CLIC4: variants seen among roughly 807,000 people sequenced by gnomAD.
The protein encoded by CLIC4 is CLIC family member 4, also known as chloride intracellular channel protein 4.
In CLIC4, 13 loss-of-function variants were observed where a neutral mutation model predicts 24.6. That is an observed-to-expected ratio of 0.53 (90% CI 0.34 to 0.84). The LOEUF is 0.84. Among genes scored for constraint, CLIC4 ranks in the 40% least tolerant of loss-of-function variants. CLIC4 has a pLI of 0.01. For missense variants in CLIC4, 227 were observed against 301.7 expected, an observed-to-expected ratio of 0.75 and a Z score of 1.83; for synonymous variants, 104 against 111.3, an observed-to-expected ratio of 0.93 and a Z score of 0.41.
At chr1:24,746,593 A>G (rs1638701096) in intron 1 of CLIC4, among the ~76,000 whole-genome samples, 1 of 152,220 alleles carries the variant, frequency 6.6e-6, no homozygotes, top group Non-Finnish European at 1.5e-5. Flanking sequence ...AGCCACTTAA[A>G]AAGCCAGGCT....
chr1:24,766,473 GTTTTTTTTTTTTTTTTTTTTTTTTT>G lies in CLIC4; in HGVS notation c.72+20872_72+20896del, dbSNP rs71032855. ...CAGGTCTTGCTATGTTGCCCAGACG[GTTTTTTTTTTTTTTTTTTTTTTTTT>G]TTTTTTTTTTTTTTTTTTTTTTTGA... On this transcript the variant is annotated intron_variant, in intron 1 of 5. Transcript: ENST00000374379. 6.4e-4 allele frequency among the ~76,000 whole-genome samples: 40 copies of G among 62,072 alleles called. No individual in the cohort carries two copies. In the East Asian group the frequency reaches 6.8e-3, roughly 10 times the overall value. 40.7% of individuals were successfully genotyped at this position (62,072 alleles called of 152,430 possible). A position where few individuals can be genotyped will look rare whatever the true frequency, so the allele number is the denominator to read the frequency against.
rs535415704 is a variant in CLIC4, at chr1:24,774,165, G to A, written c.73-23577G>A. 1.1e-4 allele frequency among the ~76,000 whole-genome samples: 17 copies of A among 152,076 alleles called. No homozygotes were observed. In the East Asian group the frequency reaches 2.5e-3, roughly 23 times the overall value. On this transcript the variant is annotated intron_variant, in intron 1 of 5. Transcript: ENST00000374379. ...TTTCTTTTGTATTTTTAGTAGAGAC[G>A]GGGTTTCACCGTGTTGCCCAGGCTG...
chr1:24,790,561 A>G (rs1305463224), intron 1 of CLIC4, among the ~76,000 whole-genome samples: 1 of 152,200 alleles, frequency 6.6e-6, no homozygotes, highest in Non-Finnish European at 1.5e-5. Flanking sequence ...ACCATGGTGA[A>G]GAGGCTCCTT....
chr1:24,828,654 T>C (rs1272157003), intron 4 of CLIC4, among the ~76,000 whole-genome samples: 1 of 139,268 alleles, frequency 7.2e-6, no homozygotes, highest in African/African-American at 2.7e-5. Flanking sequence ...AGGAATAAAA[T>C]GTGTTTGCTT....
chr1:24,764,966 A>C (rs1638975948), intron 1 of CLIC4, among the ~76,000 whole-genome samples: 3 of 152,206 alleles, frequency 2.0e-5, no homozygotes, highest in Admixed American at 6.5e-5. Flanking sequence ...GGAAGCAAGA[A>C]AATGTACCCT....
At chr1:24,824,201 C>T (rs540020392) in intron 3 of CLIC4, among the ~76,000 whole-genome samples, 1 of 152,266 alleles carries the variant, frequency 6.6e-6, no homozygotes, top group South Asian at 2.1e-4. Flanking sequence ...ATAATCTAAT[C>T]TGTAATAGAA....
chr1:24,844,082 A>G lies in CLIC4; in HGVS notation c.*3145A>G, dbSNP rs1409635387. 1 of 152,580 alleles carries G rather than the reference A, an allele frequency of 6.6e-6. No homozygotes were observed. Among genetic ancestry groups the G allele is most frequent in the Non-Finnish European group, 1.5e-5 (1 of 68,004 alleles). 9.5% of individuals were successfully genotyped at this position (152,580 alleles called of 1,614,324 possible). On this transcript the variant is annotated 3_prime_UTR_variant, in exon 6 of 6. Coordinates refer to ENST00000374379, the MANE Select transcript of CLIC4 (RefSeq NM_013943.3). The stretch of plus-strand genomic sequence containing the variant: ...GGGCCACACAAAGTATATTTTTATC[A>G]TGGAAAAATTTCAACTCCTCAAGCC...
At position 24,825,553 on chromosome 1, in the gene CLIC4, T is replaced by C. The variant is rs142645175; in HGVS notation, c.309-1457T>C. On this transcript the variant is annotated intron_variant, in intron 3 of 5. Coordinates refer to ENST00000374379, the MANE Select transcript of CLIC4 (RefSeq NM_013943.3). ...CACTGTAATTTTTACAGAAAAACTC[T>C]TTATGTAAATAATTGTGTTTATAAG... Among the ~76,000 whole-genome samples, 56 of 152,308 alleles carry C rather than the reference T, an allele frequency of 3.7e-4. No homozygotes were observed. In the East Asian group the frequency reaches 0.011, roughly 29 times the overall value.
intron 1 of CLIC4, among the ~76,000 whole-genome samples, chr1:24,765,521 T>C (rs535586139): frequency 2.0e-5 from 3 of 152,274 alleles, no homozygotes; most frequent in African/African-American, 7.2e-5. Flanking sequence ...GATTTACTTG[T>C]TTTTCCTTGC....
chr1:24,785,255 G>A (rs1268476212), intron 1 of CLIC4, among the ~76,000 whole-genome samples: 1 of 152,046 alleles, frequency 6.6e-6, no homozygotes, highest in Non-Finnish European at 1.5e-5. Context: ...TAGGCCTTGA[G>A]TTCTTTGCAT....
chr1:24,824,221 C>CAA (rs1639764622), intron 3 of CLIC4, among the ~76,000 whole-genome samples: 1 of 151,994 alleles, frequency 6.6e-6, no homozygotes, highest in Non-Finnish European at 1.5e-5. Context: ...AACAAACAAA[C>CAA]AAACAAAAAC....
In CLIC4 at chr1:24,779,419, G is replaced by A. The variant is rs141917177; in HGVS notation, c.73-18323G>A. ...CAGGAGGTCAAGGCTGCAGTGAGCC[G>A]TGATTGCGCCACTGTACTCCAGCCT... On this transcript the variant is annotated intron_variant, in intron 1 of 5. Coordinates refer to ENST00000374379, the MANE Select transcript of CLIC4 (RefSeq NM_013943.3). Among the ~76,000 whole-genome samples the A allele has an allele frequency of 1.6e-3, 243 of 152,282 alleles. 1 individual carries two copies. Among genetic ancestry groups the A allele is most frequent in the African/African-American group, 5.5e-3 (227 of 41,542 alleles).
At chr1:24,804,384 G>C (rs1164791987) in intron 2 of CLIC4, among the ~76,000 whole-genome samples, 2 of 141,654 alleles carry the variant, frequency 1.4e-5, no homozygotes, top group Admixed American at 1.4e-4. Flanking sequence ...GTGTGCATGT[G>C]TGTGGGTGGG....
intron 3 of CLIC4, among the ~76,000 whole-genome samples, chr1:24,821,319 C>T (rs1425237294): frequency 6.6e-6 from 1 of 152,046 alleles, no homozygotes; most frequent in Admixed American, 6.6e-5. Context: ...CTCTGTAAGA[C>T]ATCATAGCTT....
In CLIC4 at chr1:24,843,907, G is replaced by C. The variant is rs1215297076; in HGVS notation, c.*2970G>C. 2.0e-5 allele frequency: 3 copies of C among 152,480 alleles called. No individual in the cohort carries two copies. Among genetic ancestry groups the C allele is most frequent in the Non-Finnish European group, 4.4e-5 (3 of 67,976 alleles). The allele number at this position is 152,480 out of a possible 1,614,324, so 9.4% of individuals were successfully genotyped here. A position where few individuals can be genotyped will look rare whatever the true frequency, so the allele number is the denominator to read the frequency against. ...AGGAAATAGAAATGTATTTTTTCATGAACATTTTGATACAAATTTCATCAT... is the reference window on the plus strand; with the variant it reads ...AGGAAATAGAAATGTATTTTTTCATCAACATTTTGATACAAATTTCATCAT... On this transcript the variant is annotated 3_prime_UTR_variant, in exon 6 of 6. Transcript: ENST00000374379.
At chr1:24,782,761 C>T (rs1408959096) in intron 1 of CLIC4, among the ~76,000 whole-genome samples, 1 of 152,128 alleles carries the variant, frequency 6.6e-6, no homozygotes, top group Admixed American at 6.5e-5. Flanking sequence ...AGGAGGATTG[C>T]TTGAGGCCAG....
chr1:24,822,842 G>A (rs1384142908), intron 3 of CLIC4, among the ~76,000 whole-genome samples: 1 of 152,128 alleles, frequency 6.6e-6, no homozygotes, highest in Non-Finnish European at 1.5e-5. Context: ...AGTGGGAGGA[G>A]GAAGAGTTTC....
chr1:24,762,570 C>T (rs1217966923), intron 1 of CLIC4, among the ~76,000 whole-genome samples: 1 of 152,076 alleles, frequency 6.6e-6, no homozygotes, highest in African/African-American at 2.4e-5. Flanking sequence ...TGTGGGGGAA[C>T]AGTAGTGAGT....
rs4649025 is a variant in CLIC4, at chr1:24,843,384, C to A, written c.*2447C>A. The A allele has an allele frequency of 0.95, 143,955 of 152,270 alleles. 68,572 individuals are homozygous for A. Among genetic ancestry groups the A allele is most frequent in the East Asian group, 1 (5,189 of 5,190 alleles). 9.4% of individuals were successfully genotyped at this position (152,270 alleles called of 1,614,324 possible). A position where few individuals can be genotyped will look rare whatever the true frequency, so the allele number is the denominator to read the frequency against. On this transcript the variant is annotated 3_prime_UTR_variant, in exon 6 of 6. Coordinates refer to ENST00000374379, the MANE Select transcript of CLIC4 (RefSeq NM_013943.3). ...GACAGTTCATGCAGTATATGAATTG[C>A]CATAATGGAAATAATCTGATTTTAT...
Sources: allele counts gnomAD v4.1 joint callset (sites outside exome capture counted in the v4.1 genomes callset), GRCh38; gene constraint gnomAD v4.1.1; transcripts MANE v1.5; gene names NCBI Gene and HGNC (gene_info 2026-07-23, HGNC 2026-07-21).